KCTD8: variants seen among roughly 807,000 people sequenced by gnomAD.
The protein encoded by KCTD8 is potassium channel tetramerization domain containing 8.
A neutral mutation model predicts 31.5 loss-of-function variants in KCTD8; 27 were observed. That is an observed-to-expected ratio of 0.86 (90% CI 0.63 to 1.18). The LOEUF is 1.18. Ranked by LOEUF, KCTD8 falls within the 50% of genes most tolerant of loss-of-function variation. The probability of loss-of-function intolerance (pLI) is 0.00; values close to 1 mark genes in which losing one functional copy is unlikely to be tolerated. For missense variants in KCTD8, 658 were observed against 647.7 expected (o/e 1.02, Z -0.17); for synonymous variants, 290 against 280.0 (o/e 1.04, Z -0.36).
chr4:44,251,526 A>G (rs1184910416), intron 1 of KCTD8, among the ~76,000 whole-genome samples: 1 of 151,608 alleles, frequency 6.6e-6, no homozygotes, highest in Non-Finnish European at 1.5e-5. Context: ...TGAAATGTCT[A>G]TATAACTTTT....
intron 1 of KCTD8, among the ~76,000 whole-genome samples, chr4:44,353,796 C>T (rs930703047): frequency 5.9e-5 from 9 of 152,028 alleles, no homozygotes; most frequent in Non-Finnish European, 1.2e-4. Flanking sequence ...ACCTTTTCAC[C>T]TTTCCAAAGT....
In KCTD8 at chr4:44,299,721, C is replaced by T. The variant is rs531800510; in HGVS notation, c.962-124471G>A. Among the ~76,000 whole-genome samples, 4 of 149,310 alleles carry T rather than the reference C, an allele frequency of 2.7e-5. No homozygotes were observed. In the East Asian group the frequency reaches 7.8e-4, roughly 29 times the overall value. ...CCAACCTGGCAACAGAGTGAGACTC[C>T]GTCTCAAAAAAAAAAAAGGTGGTGC... On this transcript the variant is annotated intron_variant, in intron 1 of 1. Coordinates refer to ENST00000360029, the MANE Select transcript of KCTD8 (RefSeq NM_198353.3).
intron 1 of KCTD8, among the ~76,000 whole-genome samples, chr4:44,374,271 T>C (rs773816927): frequency 1.3e-4 from 20 of 152,168 alleles, no homozygotes; most frequent in Non-Finnish European, 2.6e-4. Context: ...AACAGCGGGC[T>C]GACCTAAAGA....
chr4:44,225,099 G>T (rs1714918165), intron 1 of KCTD8, among the ~76,000 whole-genome samples: 1 of 152,252 alleles, frequency 6.6e-6, no homozygotes, highest in African/African-American at 2.4e-5. Context: ...GGCAGTTAGT[G>T]GTCTCTACCA....
At chr4:44,435,680 G>T (rs1577671175) in intron 1 of KCTD8, among the ~76,000 whole-genome samples, 1 of 152,044 alleles carries the variant, frequency 6.6e-6, no homozygotes, top group East Asian at 1.9e-4. Flanking sequence ...TATGAATACA[G>T]TTGTAGGTAT....
intron 1 of KCTD8, among the ~76,000 whole-genome samples, chr4:44,205,540 T>TA (rs200089246): frequency 0.042 from 6,347 of 152,282 alleles, 443 homozygotes; most frequent in African/African-American, 0.15. Flanking sequence ...TAAAGTTCTC[T>TA]AAAATAATTT....
intron 1 of KCTD8, among the ~76,000 whole-genome samples, chr4:44,370,924 T>C (rs1221149178): frequency 1.3e-5 from 2 of 151,974 alleles, no homozygotes; most frequent in African/African-American, 4.8e-5. Context: ...AACTGATACA[T>C]AGAAAGAGAT....
intron 1 of KCTD8, among the ~76,000 whole-genome samples, chr4:44,328,669 T>C (rs1718517080): frequency 6.6e-6 from 1 of 152,008 alleles, no homozygotes; most frequent in Admixed American, 6.6e-5. Context: ...AAATTATCAG[T>C]GCCATCCAAA....
At chr4:44,301,353 G>A (rs190349016) in intron 1 of KCTD8, among the ~76,000 whole-genome samples, 1 of 151,986 alleles carries the variant, frequency 6.6e-6, no homozygotes, top group Non-Finnish European at 1.5e-5. Flanking sequence ...AGTGTTCCTA[G>A]TTCTCCACAT....
chr4:44,235,550 TATATATATATATATATATATATATA>T (rs1715256233), intron 1 of KCTD8, among the ~76,000 whole-genome samples: 2 of 87,364 alleles, frequency 2.3e-5, no homozygotes, highest in Non-Finnish European at 4.4e-5. Context: ...TATATATATA[TATATATATATATATATATATATATA>T]TTTAGAGAGA....
At chr4:44,314,366 G>A (rs2109401546) in intron 1 of KCTD8, among the ~76,000 whole-genome samples, 1 of 152,306 alleles carries the variant, frequency 6.6e-6, no homozygotes, top group East Asian at 1.9e-4. Context: ...GAAGATATTT[G>A]TGTTGATGAT....
chr4:44,259,289 C>T (rs1716093454), intron 1 of KCTD8, among the ~76,000 whole-genome samples: 1 of 151,712 alleles, frequency 6.6e-6, no homozygotes, highest in Admixed American at 6.6e-5. Context: ...ATACATGTTT[C>T]TTTCCTCCAT....
chr4:44,192,110 C>T (rs1217861048), intron 1 of KCTD8, among the ~76,000 whole-genome samples: 1 of 152,148 alleles, frequency 6.6e-6, no homozygotes. Flanking sequence ...ATAGAATATG[C>T]ATTGAAATAT....
intron 1 of KCTD8, among the ~76,000 whole-genome samples, chr4:44,425,064 C>T (rs994346633): frequency 6.6e-6 from 1 of 151,982 alleles, no homozygotes; most frequent in Non-Finnish European, 1.5e-5. Flanking sequence ...TGACCATCTG[C>T]AAGCCACAAA....
At chr4:44,317,228 C>CTT (rs760060899) in intron 1 of KCTD8, among the ~76,000 whole-genome samples, 745 of 36,518 alleles carry the variant, frequency 0.02, 194 homozygotes, top group African/African-American at 0.075. Context: ...TGGGTGCTTT[C>CTT]TTTTTTTTTT....
intron 1 of KCTD8, among the ~76,000 whole-genome samples, chr4:44,294,588 T>A (rs1018921851): frequency 6.6e-6 from 1 of 152,090 alleles, no homozygotes; most frequent in African/African-American, 2.4e-5. Context: ...CTGAAAAAAA[T>A]TTCCTTATGA....
intron 1 of KCTD8, among the ~76,000 whole-genome samples, chr4:44,447,088 C>G (rs889453015): frequency 1.4e-4 from 21 of 152,330 alleles, no homozygotes; most frequent in Non-Finnish European, 2.9e-4. Flanking sequence ...AGCAGGTGAT[C>G]CAGGTGGTGC....
intron 1 of KCTD8, among the ~76,000 whole-genome samples, chr4:44,414,228 G>C (rs1721022022): frequency 6.6e-6 from 1 of 151,904 alleles, no homozygotes; most frequent in Non-Finnish European, 1.5e-5. Flanking sequence ...AAAAGGCTTA[G>C]AGAATTTTTA....
Position 44,364,509 on chromosome 4 carries a change from A to G in KCTD8, c.961+83054T>C, listed in dbSNP as rs115305782. ...AAAATTGTACAGCCCTTTGGAAAAC[A>G]GTCTGACAGTTTCTTGCAAAGCTAA... is the stretch of plus-strand genomic sequence containing the variant. On this transcript the variant is annotated intron_variant, in intron 1 of 1. Coordinates refer to ENST00000360029, the MANE Select transcript of KCTD8 (RefSeq NM_198353.3). Among the ~76,000 whole-genome samples the G allele has an allele frequency of 3.6e-3, 555 of 152,298 alleles. 6 individuals are homozygous for G. Among genetic ancestry groups the G allele is most frequent in the African/African-American group, 0.012 (508 of 41,576 alleles).
Sources: allele counts gnomAD v4.1 joint callset (sites outside exome capture counted in the v4.1 genomes callset), GRCh38; gene constraint gnomAD v4.1.1; transcripts MANE v1.5; gene names NCBI Gene and HGNC (gene_info 2026-07-23, HGNC 2026-07-21).